MED14: variants seen among roughly 807,000 people sequenced by gnomAD.
MED14 encodes the protein mediator complex subunit 14.
MED14 carries 8 observed loss-of-function variants against 109.0 expected under a neutral mutation model. The ratio of observed to expected loss-of-function variants is 0.07; its 90% CI spans 0.04 to 0.13. The LOEUF (loss-of-function observed/expected upper bound fraction) is 0.13. Ranked by LOEUF, MED14 falls within the 10% of genes least tolerant of loss-of-function variation. MED14 has a pLI of 1.00. For missense variants in MED14, 711 were observed against 1,142.4 expected (o/e 0.62, Z 5.44); for synonymous variants, 399 against 408.7 (o/e 0.98, Z 0.29).
At chrX:40,657,208 G>A (rs1426749573) in intron 28 of MED14, among the ~76,000 whole-genome samples, 1 of 111,764 alleles carries the variant, frequency 8.9e-6, no homozygotes, top group African/African-American at 3.3e-5. Context: ...CTTTTTAAAT[G>A]CTATTATGCA....
At chrX:40,730,665 T>C (rs902888020) in intron 1 of MED14, among the ~76,000 whole-genome samples, 4 of 111,276 alleles carry the variant, frequency 3.6e-5, no homozygotes, top group Non-Finnish European at 3.8e-5. Flanking sequence ...CTTTCCCCTA[T>C]TCCTCCTAAT....
At chrX:40,730,995 C>T (rs1040729115) in intron 1 of MED14, among the ~76,000 whole-genome samples, 5 of 108,234 alleles carry the variant, frequency 4.6e-5, no homozygotes, top group African/African-American at 6.7e-5. Context: ...ACAAATAATA[C>T]ATATTAGCCA....
intron 26 of MED14, among the ~76,000 whole-genome samples, chrX:40,662,155 C>T (rs548739225): frequency 8.9e-6 from 1 of 112,139 alleles, no homozygotes; most frequent in African/African-American, 3.2e-5. Flanking sequence ...CGTGAGCCAC[C>T]GTGCCCGTCC....
intron 10 of MED14, among the ~76,000 whole-genome samples, chrX:40,708,810 A>C (rs1374688077): frequency 8.9e-6 from 1 of 111,791 alleles, no homozygotes; most frequent in Non-Finnish European, 1.9e-5. Context: ...AATTTTTAAA[A>C]ATTTTTTAAA....
At chrX:40,720,173 AT>A (rs1185965413) in intron 3 of MED14, among the ~76,000 whole-genome samples, 1 of 112,216 alleles carries the variant, frequency 8.9e-6, no homozygotes, top group Non-Finnish European at 1.9e-5. Flanking sequence ...GGAACACGAA[AT>A]TTTTACTATC....
intron 15 of MED14, among the ~76,000 whole-genome samples, chrX:40,690,721 C>T (rs1930470998): frequency 9.0e-6 from 1 of 111,676 alleles, no homozygotes. Context: ...GGCCCACTGC[C>T]TGTTTTTGTA....
At chrX:40,691,607 C>CTTTTTTTTTTTTTTTTTTTTTTTTTTT (rs36144185) in intron 15 of MED14, among the ~76,000 whole-genome samples, 1 of 59,457 alleles carries the variant, frequency 1.7e-5, no homozygotes, top group Non-Finnish European at 3.0e-5. Flanking sequence ...TTCTTTTAAT[C>CTTTTTTTTTTTTTTTTTTTTTTTTTTT]TTTTTTTTTT....
rs1470730644 is a variant in MED14, at chrX:40,711,309, ATGT to A, written c.890-11_890-9del. The A allele has an allele frequency of 6.8e-6, 8 of 1,176,939 alleles. No individual in the cohort carries two copies. The highest frequency in any genetic ancestry group is 5.3e-5 in the African/African-American group (3 of 56,259). ...GTGATAAACAGAAAGAATCTGATAG[ATGT>A]TGTTAAGTAAAATTAATACATTACA... On this transcript the variant is annotated splice_polypyrimidine_tract_variant and intron_variant, in intron 7 of 30. Transcript: ENST00000324817.
At chrX:40,692,480 T>A (rs773496230) in intron 14 of MED14, among the ~76,000 whole-genome samples, 163 bp from the exon 15 acceptor site, 1 of 112,213 alleles carries the variant, frequency 8.9e-6, no homozygotes, top group South Asian at 3.7e-4. Flanking sequence ...TGGTAATTTA[T>A]TAGTAAATAT....
At chrX:40,695,958 C>T (rs113576503) in intron 13 of MED14, among the ~76,000 whole-genome samples, 10 of 110,864 alleles carry the variant, frequency 9.0e-5, no homozygotes, top group South Asian at 7.5e-4. Context: ...TTTTTATAAG[C>T]GACGAGGTCT....
At chrX:40,703,930 TTC>T (rs1311735207) in intron 10 of MED14, among the ~76,000 whole-genome samples, 1 of 112,526 alleles carries the variant, frequency 8.9e-6, no homozygotes, top group African/African-American at 3.2e-5. Context: ...TTTAAGGATT[TTC>T]TCTTTTGTAT....
intron 10 of MED14, among the ~76,000 whole-genome samples, chrX:40,708,706 T>C (rs1931234747): frequency 8.9e-6 from 1 of 112,008 alleles, no homozygotes; most frequent in African/African-American, 3.2e-5. Flanking sequence ...TAAATGACTG[T>C]CCCTCAAAGC....
At chrX:40,683,844 T>C (rs1333995691) in intron 16 of MED14, among the ~76,000 whole-genome samples, 1 of 112,259 alleles carries the variant, frequency 8.9e-6, no homozygotes, top group African/African-American at 3.2e-5. Context: ...CACACATACA[T>C]CACATATACA....
At chrX:40,700,429 T>C (rs985149987) in intron 12 of MED14, among the ~76,000 whole-genome samples, 2 of 106,896 alleles carry the variant, frequency 1.9e-5, no homozygotes, top group African/African-American at 3.4e-5. Flanking sequence ...CTTGGTTATA[T>C]TGAATTTTTC....
At chrX:40,723,387 C>T (rs1301100520) in intron 3 of MED14, among the ~76,000 whole-genome samples, 2 of 111,184 alleles carry the variant, frequency 1.8e-5, no homozygotes, top group East Asian at 5.6e-4. Context: ...TACAATGGGC[C>T]GGGCGCGGTG....
Position 40,661,766 on chromosome X carries a change from T to C in MED14, c.3684+1159A>G, listed in dbSNP as rs1487567197. 4.5e-5 allele frequency among the ~76,000 whole-genome samples: 5 copies of C among 111,853 alleles called. No individual in the cohort carries two copies. The East Asian group carries it at 1.1e-3, about 25-fold the overall frequency. ...CTGGTGCTCTCAATTATAAATTATC[T>C]CCTAAGGCTATCAGCATAGGATAAG... On this transcript the variant is annotated intron_variant, in intron 26 of 30. Coordinates refer to ENST00000324817, the MANE Select transcript of MED14 (RefSeq NM_004229.4).
At chrX:40,681,373 T>G (rs906273610) in intron 19 of MED14, among the ~76,000 whole-genome samples, 4 of 111,077 alleles carry the variant, frequency 3.6e-5, no homozygotes, top group Admixed American at 2.9e-4. Flanking sequence ...CTGGCTGCAT[T>G]TTTATACTAC....
intron 23 of MED14, among the ~76,000 whole-genome samples, chrX:40,668,736 T>C (rs1304022537): frequency 3.6e-5 from 4 of 112,118 alleles, no homozygotes; most frequent in Non-Finnish European, 7.5e-5. Flanking sequence ...ACATATATGA[T>C]AAAGTTTAAT....
intron 7 of MED14, 93 bp downstream of exon 7, chrX:40,712,093 G>A: frequency 1.7e-6 from 1 of 605,373 alleles, no homozygotes; most frequent in Non-Finnish European, 2.6e-6. Context: ...AGGAATGTAG[G>A]CTGCTACAGT....
Sources: allele counts gnomAD v4.1 joint callset (sites outside exome capture counted in the v4.1 genomes callset), GRCh38; gene constraint gnomAD v4.1.1; transcripts MANE v1.5; gene names NCBI Gene and HGNC (gene_info 2026-07-23, HGNC 2026-07-21).